Variants in OLFM3 observed in about 807,000 individuals in gnomAD.
OLFM3 encodes noelin-3.
OLFM3 carries 20 observed loss-of-function variants against 48.6 expected under a neutral mutation model. The ratio of observed to expected loss-of-function variants is 0.41; its 90% confidence interval spans 0.29 to 0.60. OLFM3 has a LOEUF of 0.60. Ranked by LOEUF, OLFM3 falls within the 20% of genes least tolerant of loss-of-function variation. OLFM3 has a pLI of 0.28. For synonymous variants in OLFM3, 222 were observed against 198.1 expected (o/e 1.12, Z -1.01); for missense variants, 437 against 544.3 (o/e 0.80, Z 1.96).
chr1:101,868,884 G>A (rs1257947217), intron 1 of OLFM3, among the ~76,000 whole-genome samples: 2 of 152,244 alleles, frequency 1.3e-5, no homozygotes, highest in East Asian at 3.9e-4. Context: ...GAGGGTGCAA[G>A]CCCCAAGCCT....
chr1:101,955,857 C>A (rs1157567361), intron 1 of OLFM3, among the ~76,000 whole-genome samples: 2 of 151,652 alleles, frequency 1.3e-5, no homozygotes, highest in Non-Finnish European at 3.0e-5. Flanking sequence ...ACTATGGGTA[C>A]CAAGGAGTAC....
intron 1 of OLFM3, 59 bp downstream of exon 1, chr1:101,996,689 G>C: frequency 6.5e-7 from 1 of 1,547,520 alleles, no homozygotes; most frequent in Non-Finnish European, 8.9e-7. Flanking sequence ...TTGCATTTCT[G>C]TTAGGTTTGT....
At chr1:101,881,945 T>C (rs1036498441) in intron 1 of OLFM3, among the ~76,000 whole-genome samples, 3 of 151,878 alleles carry the variant, frequency 2.0e-5, no homozygotes, top group Non-Finnish European at 2.9e-5. Flanking sequence ...TATGTAGTCA[T>C]GTACTTTGTA....
rs575313712 is a variant in OLFM3 at position 101,880,081 on chromosome 1, T to C, written c.70-43056A>G. On this transcript the variant is annotated intron_variant, in intron 1 of 5. Coordinates refer to ENST00000370103, the MANE Select transcript of OLFM3 (RefSeq NM_058170.4). ...TGTCTAGACATGTGACAAAAACACA[T>C]AGAGATTAACTATTTCTTCACTGAT... Among the ~76,000 whole-genome samples the C allele has an allele frequency of 4.0e-4, 61 of 152,008 alleles. 1 individual carries two copies. Among genetic ancestry groups the C allele is most frequent in the Admixed American group, 3.6e-3 (55 of 15,230 alleles).
At chr1:101,961,815 A>G (rs907388674) in intron 1 of OLFM3, among the ~76,000 whole-genome samples, 1 of 152,154 alleles carries the variant, frequency 6.6e-6, no homozygotes, top group Non-Finnish European at 1.5e-5. Flanking sequence ...AGTTACACAG[A>G]GCTAGTATGT....
chr1:101,828,316 G>A (rs1007521204), intron 3 of OLFM3, among the ~76,000 whole-genome samples: 2 of 152,168 alleles, frequency 1.3e-5, no homozygotes, highest in African/African-American at 2.4e-5. Flanking sequence ...AGACTGTTGC[G>A]AGCATTATAC....
intron 4 of OLFM3, among the ~76,000 whole-genome samples, chr1:101,818,356 C>G (rs1001289469): frequency 1.3e-5 from 2 of 151,884 alleles, no homozygotes; most frequent in Admixed American, 6.6e-5. Context: ...TTACCAATTA[C>G]CAAAAATATG....
chr1:101,919,088 T>C (rs1398072305), intron 1 of OLFM3, among the ~76,000 whole-genome samples: 2 of 152,186 alleles, frequency 1.3e-5, no homozygotes, highest in African/African-American at 4.8e-5. Context: ...TTGAAAAATC[T>C]TACTATCAGA....
At chr1:101,982,492 C>A (rs1022012084) in intron 1 of OLFM3, among the ~76,000 whole-genome samples, 1 of 152,092 alleles carries the variant, frequency 6.6e-6, no homozygotes, top group African/African-American at 2.4e-5. Context: ...TATGTGTTAA[C>A]TTGACCAGGC....
At chr1:101,964,804 C>G (rs1436872925) in intron 1 of OLFM3, among the ~76,000 whole-genome samples, 1 of 152,088 alleles carries the variant, frequency 6.6e-6, no homozygotes, top group African/African-American at 2.4e-5. Flanking sequence ...AGGAGAAATC[C>G]ATTTTTATTT....
At chr1:101,961,752 T>A (rs902817038) in intron 1 of OLFM3, among the ~76,000 whole-genome samples, 1 of 152,154 alleles carries the variant, frequency 6.6e-6, no homozygotes, top group Non-Finnish European at 1.5e-5. Context: ...GACTGAAAGA[T>A]ATAACTTATG....
intron 1 of OLFM3, among the ~76,000 whole-genome samples, chr1:101,889,212 T>C (rs191362704): frequency 1.3e-5 from 2 of 152,284 alleles, no homozygotes; most frequent in East Asian, 1.9e-4. Flanking sequence ...CGTATGTTTA[T>C]TGCAGCACTA....
intron 1 of OLFM3, among the ~76,000 whole-genome samples, chr1:101,915,203 A>G (rs1239443546): frequency 6.6e-6 from 1 of 152,190 alleles, no homozygotes; most frequent in Non-Finnish European, 1.5e-5. Context: ...AATTTCATGT[A>G]TAATTGGGCC....
intron 1 of OLFM3, among the ~76,000 whole-genome samples, chr1:101,956,230 C>T (rs2101077394): frequency 6.6e-6 from 1 of 151,628 alleles, no homozygotes; most frequent in African/African-American, 2.4e-5. Flanking sequence ...TGCTGAAAAT[C>T]CTCTTCTAGA....
intron 3 of OLFM3, among the ~76,000 whole-genome samples, chr1:101,828,056 C>CTCTG (rs1553170830): frequency 1.6e-5 from 2 of 128,624 alleles, no homozygotes; most frequent in African/African-American, 5.7e-5. Context: ...GTCTGTCTCT[C>CTCTG]TCTCTCTCTG....
chr1:101,899,624 A>G (rs895312697), intron 1 of OLFM3, among the ~76,000 whole-genome samples: 11 of 152,172 alleles, frequency 7.2e-5, no homozygotes, highest in African/African-American at 2.7e-4. Flanking sequence ...TTTGAATTGC[A>G]TAACTTTTAT....
intron 1 of OLFM3, among the ~76,000 whole-genome samples, chr1:101,909,206 T>C (rs1424574076): frequency 6.6e-6 from 1 of 152,166 alleles, no homozygotes; most frequent in Non-Finnish European, 1.5e-5. Context: ...TGGCCTTGAG[T>C]GGCTAACACA....
chr1:101,842,269 C>T (rs1338727336), intron 1 of OLFM3, among the ~76,000 whole-genome samples: 1 of 152,126 alleles, frequency 6.6e-6, no homozygotes, highest in African/African-American at 2.4e-5. Flanking sequence ...TGCAGTGGCT[C>T]AGGTCTATAA....
chr1:101,991,016 A>AAAAAATATAT (rs1553186119), intron 1 of OLFM3, among the ~76,000 whole-genome samples: 28 of 32,184 alleles, frequency 8.7e-4, no homozygotes, highest in East Asian at 2.6e-3. Flanking sequence ...AAAAAAAAAA[A>AAAAAATATAT]ATATATATAT....
Sources: allele counts gnomAD v4.1 joint callset (sites outside exome capture counted in the v4.1 genomes callset), GRCh38; gene constraint gnomAD v4.1.1; transcripts MANE v1.5; gene names NCBI Gene and HGNC (gene_info 2026-07-23, HGNC 2026-07-21).